The following NRF1 variants were observed in gnomAD, a reference collection of about 807,000 sequenced individuals.
NRF1 encodes the protein nuclear respiratory factor 1.
Under a neutral mutation model 58.5 loss-of-function variants are expected in NRF1, and 5 were observed. The ratio of observed to expected loss-of-function variants is 0.09; its 90% CI spans 0.04 to 0.18. NRF1 has a LOEUF of 0.18. Among genes scored for constraint, NRF1 ranks in the 10% least tolerant of loss-of-function variants. The pLI, the probability that NRF1 is intolerant of heterozygous loss-of-function variation, is 1.00. For missense variants in NRF1, 288 were observed against 657.7 expected (o/e 0.44, Z 6.15); for synonymous variants, 224 against 246.7 (o/e 0.91, Z 0.86).
chr7:129,701,365 A>T (rs997203354), intron 5 of NRF1, among the ~76,000 whole-genome samples: 3 of 152,108 alleles, frequency 2.0e-5, no homozygotes, highest in Admixed American at 6.6e-5. Context: ...TGGGAGGCTG[A>T]GGTGGGTGGA....
At position 129,709,092 on chromosome 7, in the gene NRF1, T is replaced by C. The variant is rs150058523; in HGVS notation, c.624T>C (p.Phe208=). 5.1e-6 allele frequency: 8 copies of C among 1,562,588 alleles called. No individual in the cohort carries two copies. The African/African-American group carries it at 9.6e-5, about 19-fold the overall frequency. Residue 208 remains phenylalanine (F), a synonymous_variant, in exon 6 of 11, where the codon TTT becomes TTC. Coordinates refer to ENST00000393232, the MANE Select transcript of NRF1 (RefSeq NM_005011.5). ...TCTTCCAGGCCCAGCTTCGGGCATT[T>C]ATCCCAGAGATGCTCAAGTACTCTA... ...DKMTQAQLRA[F]IPEMLKYSTG...
chr7:129,667,621 A>G (rs1000321968), intron 2 of NRF1, among the ~76,000 whole-genome samples: 1 of 151,358 alleles, frequency 6.6e-6, no homozygotes, highest in African/African-American at 2.4e-5. Flanking sequence ...TTAATCTTTT[A>G]CCTTATAGTT....
rs1804227190 is a variant in NRF1, at chr7:129,755,331, G to A, written c.*150G>A. 1.5e-6 allele frequency: 1 copy of A among 688,800 alleles called. No individual in the cohort carries two copies. The highest frequency in any genetic ancestry group is 4.1e-5 in the Admixed American group (1 of 24,524). The allele number at this position is 688,800 out of a possible 1,614,324, so 42.7% of individuals were successfully genotyped here. A position where few individuals can be genotyped will look rare whatever the true frequency, so the allele number is the denominator to read the frequency against. On this transcript the variant is annotated 3_prime_UTR_variant, in exon 11 of 11. Coordinates refer to ENST00000393232, the MANE Select transcript of NRF1 (RefSeq NM_005011.5). This position sits in a 1 kb window ranked among gnomAD's most constrained non-coding sequence, Gnocchi z 5.8. The stretch of plus-strand genomic sequence containing the variant: ...TTTTAAAAGGAAGAAAGCGGATTTT[G>A]GAATTGCATTTTTTAAAGCACCACT...
chr7:129,646,843 GGAGA>G (rs146844249), intron 1 of NRF1, among the ~76,000 whole-genome samples: 98 of 152,170 alleles, frequency 6.4e-4, no homozygotes, highest in African/African-American at 1.6e-3. Context: ...GAAGTGAGAC[GGAGA>G]GAGAGAGATA....
chr7:129,642,782 A>T (rs2151068441), intron 1 of NRF1, among the ~76,000 whole-genome samples: 1 of 130,438 alleles, frequency 7.7e-6, no homozygotes, highest in African/African-American at 2.6e-5. Flanking sequence ...TTTTTAAATG[A>T]GATAGGGTCC....
chr7:129,754,805 A>G (rs932573733), intron 10 of NRF1, among the ~76,000 whole-genome samples: 2 of 152,178 alleles, frequency 1.3e-5, no homozygotes, highest in Non-Finnish European at 1.5e-5. Flanking sequence ...AAACATGAAC[A>G]GTTACTATAT....
chr7:129,620,987 G>A (rs1800785889), intron 1 of NRF1, among the ~76,000 whole-genome samples: 1 of 152,140 alleles, frequency 6.6e-6, no homozygotes, highest in Non-Finnish European at 1.5e-5. Flanking sequence ...TTGAGATCCA[G>A]GATGATTTAA....
At chr7:129,643,727 C>A (rs1184547898) in intron 1 of NRF1, among the ~76,000 whole-genome samples, 1 of 152,204 alleles carries the variant, frequency 6.6e-6, no homozygotes, top group Non-Finnish European at 1.5e-5. Context: ...CACTAGGCAC[C>A]TACTTCATTC....
intron 9 of NRF1, among the ~76,000 whole-genome samples, chr7:129,723,215 GGGTGGATCACCTGAGGTTGGGA>G (rs1424755798): frequency 6.6e-6 from 1 of 151,972 alleles, no homozygotes; most frequent in Admixed American, 6.6e-5. Flanking sequence ...AGGCCGAGGC[GGGTGGATCACCTGAGGTTGGGA>G]GTTCGAGACC....
At chr7:129,649,800 C>T (rs938367582) in intron 1 of NRF1, among the ~76,000 whole-genome samples, 12 of 152,152 alleles carry the variant, frequency 7.9e-5, no homozygotes, top group African/African-American at 2.9e-4. Flanking sequence ...GTCACTCACA[C>T]AGGAGTGCAG....
chr7:129,733,391 T>TCC (rs1378258026), intron 10 of NRF1, among the ~76,000 whole-genome samples: 16 of 150,136 alleles, frequency 1.1e-4, no homozygotes, highest in Non-Finnish European at 2.1e-4. Flanking sequence ...GGCGTGAACC[T>TCC]GGGAGGTGGA....
intron 4 of NRF1, among the ~76,000 whole-genome samples, chr7:129,681,483 G>A (rs17160984): frequency 0.13 from 19,803 of 152,164 alleles, 2,209 homozygotes; most frequent in African/African-American, 0.31. Flanking sequence ...CATGGATCAC[G>A]GCATTAATAT....
intron 1 of NRF1, among the ~76,000 whole-genome samples, chr7:129,645,371 A>T (rs764502852): frequency 1.3e-5 from 2 of 152,176 alleles, no homozygotes; most frequent in East Asian, 1.9e-4. Context: ...AGAAGTGAGG[A>T]TGTGTTTAAG....
intron 5 of NRF1, among the ~76,000 whole-genome samples, chr7:129,695,016 T>G (rs1802655012): frequency 6.6e-6 from 1 of 152,190 alleles, no homozygotes; most frequent in Non-Finnish European, 1.5e-5. Flanking sequence ...GATGATTCCG[T>G]GAACTGTTAG....
chr7:129,614,818 G>C (rs1481312111), intron 1 of NRF1, among the ~76,000 whole-genome samples: 1 of 152,160 alleles, frequency 6.6e-6, no homozygotes, highest in Non-Finnish European at 1.5e-5. Flanking sequence ...TTATGCACTT[G>C]TCTAATTTTG....
intron 4 of NRF1, among the ~76,000 whole-genome samples, chr7:129,684,544 A>G (rs1802402265): frequency 2.0e-5 from 3 of 152,232 alleles, no homozygotes; most frequent in Non-Finnish European, 4.4e-5. Context: ...AAGAGACCCT[A>G]GGCCCCAATT....
chr7:129,639,637 T>G (rs969430113), intron 1 of NRF1, among the ~76,000 whole-genome samples: 2 of 148,532 alleles, frequency 1.3e-5, no homozygotes, highest in Non-Finnish European at 3.0e-5. Flanking sequence ...AACCTCCACC[T>G]CCTGGGTTCA....
chr7:129,649,759 AT>A (rs200080546), intron 1 of NRF1, among the ~76,000 whole-genome samples: 20 of 150,268 alleles, frequency 1.3e-4, no homozygotes, highest in South Asian at 6.3e-4. Flanking sequence ...TTTTAATTTA[AT>A]TTTTTTTTTA....
intron 1 of NRF1, among the ~76,000 whole-genome samples, chr7:129,634,034 A>AT (rs1801111481): frequency 2.9e-5 from 2 of 68,584 alleles, no homozygotes; most frequent in African/African-American, 1.8e-4. Context: ...GTATTTAAAA[A>AT]AAAAAAAAGA....
Sources: allele counts gnomAD v4.1 joint callset (sites outside exome capture counted in the v4.1 genomes callset), GRCh38; gene constraint gnomAD v4.1.1; non-coding constraint Gnocchi (gnomAD v3.1); transcripts MANE v1.5; gene names NCBI Gene and HGNC (gene_info 2026-07-23, HGNC 2026-07-21).